The following ZNG1A variants were observed in gnomAD, a reference collection of about 807,000 sequenced individuals.
The protein encoded by ZNG1A is Zn regulated GTPase metalloprotein activator 1A.
chr9:140,396 G>A, the ZNG1A span, among the ~76,000 whole-genome samples: 1 of 151,314 alleles, frequency 6.6e-6, no homozygotes, highest in Non-Finnish European at 1.5e-5. Flanking sequence ...CCCCCTAGCA[G>A]AGGCAGGCTG....
chr9:154,608 A>G, the ZNG1A span: 1 of 854,366 alleles, frequency 1.2e-6, no homozygotes, highest in African/African-American at 1.7e-5. Context: ...AAGCAGCTCA[A>G]CCTTATACCT....
At chr9:125,147 G>C in the ZNG1A span, among the ~76,000 whole-genome samples, 1 of 152,136 alleles carries the variant, frequency 6.6e-6, no homozygotes, top group Non-Finnish European at 1.5e-5. Context: ...TTCCATAGTG[G>C]TTGTACTAGT....
At chr9:167,670 T>C in the ZNG1A span, 3 of 149,962 alleles carry the variant, frequency 2.0e-5, no homozygotes, top group Non-Finnish European at 4.4e-5. Context: ...CATGACAACA[T>C]AAAGAATATG....
chr9:178,391 G>C, the ZNG1A span, among the ~76,000 whole-genome samples: 2 of 151,056 alleles, frequency 1.3e-5, no homozygotes, highest in Non-Finnish European at 1.5e-5. Flanking sequence ...AAAGCCCCAC[G>C]TGTCGGGCAT....
the ZNG1A span, among the ~76,000 whole-genome samples, chr9:126,577 C>T: frequency 6.6e-6 from 1 of 152,184 alleles, no homozygotes; most frequent in South Asian, 2.1e-4. Context: ...TCTTATTGAG[C>T]TTATTTGGAT....
chr9:147,713 CT>C, the ZNG1A span: 1 of 148,502 alleles, frequency 6.7e-6, no homozygotes, highest in Non-Finnish European at 1.5e-5. Flanking sequence ...CCTTTTTCAC[CT>C]CCCCCTCCCC....
At chr9:153,890 C>T in the ZNG1A span, 1 of 152,034 alleles carries the variant, frequency 6.6e-6, no homozygotes, top group Admixed American at 6.6e-5. Context: ...GCATTGTACA[C>T]ATTAAAGATA....
chr9:166,609 A>G, the ZNG1A span: 3 of 152,670 alleles, frequency 2.0e-5, no homozygotes, highest in African/African-American at 7.2e-5. Flanking sequence ...CAACTTCATC[A>G]TAATGAAGAA....
the ZNG1A span, among the ~76,000 whole-genome samples, chr9:158,983 A>C: frequency 4.6e-5 from 7 of 152,144 alleles, no homozygotes; most frequent in Non-Finnish European, 1.0e-4. Context: ...TTCTCCAATA[A>C]TACATTCTAT....
At chr9:161,509 T>G in the ZNG1A span, 65 of 1,120,014 alleles carry the variant, frequency 5.8e-5, no homozygotes, top group Non-Finnish European at 7.4e-5. Context: ...AGATATGAGG[T>G]TGGATACAAA....
At chr9:147,678 C>CA in the ZNG1A span, 2 of 149,220 alleles carry the variant, frequency 1.3e-5, no homozygotes, top group Admixed American at 1.3e-4. Flanking sequence ...ACTAAAAGGC[C>CA]AAAGTCTTAA....
chr9:141,081 T>G, the ZNG1A span, among the ~76,000 whole-genome samples: 1 of 137,666 alleles, frequency 7.3e-6, no homozygotes, highest in Non-Finnish European at 1.5e-5. Context: ...TACCTGAAAG[T>G]GACAGGGAGA....
chr9:145,763 G>A, the ZNG1A span, among the ~76,000 whole-genome samples: 2 of 151,564 alleles, frequency 1.3e-5, no homozygotes, highest in African/African-American at 4.9e-5. Context: ...AAAGTGAAGA[G>A]AGTTATTTGT....
At chr9:173,717 T>C in the ZNG1A span, among the ~76,000 whole-genome samples, 4 of 152,158 alleles carry the variant, frequency 2.6e-5, 1 homozygote, top group African/African-American at 9.7e-5. Context: ...GTATGTTTTA[T>C]ATACTGGATT....
chr9:173,730 G>A, the ZNG1A span, among the ~76,000 whole-genome samples: 294 of 152,112 alleles, frequency 1.9e-3, 1 homozygote, highest in Non-Finnish European at 2.9e-3. Flanking sequence ...ACTGGATTTT[G>A]TATGCCCTTC....
chr9:127,134 T>C, the ZNG1A span, among the ~76,000 whole-genome samples: 6 of 152,148 alleles, frequency 3.9e-5, no homozygotes, highest in Non-Finnish European at 8.8e-5. Flanking sequence ...CATGTGCTGT[T>C]GAACAGAACG....
chr9:171,085 C>T, the ZNG1A span, among the ~76,000 whole-genome samples: 23,023 of 150,784 alleles, frequency 0.15, 1,754 homozygotes, highest in East Asian at 0.36. Context: ...GTCCTATCAT[C>T]AGTCAGATTT....
At chr9:131,829 C>T in the ZNG1A span, among the ~76,000 whole-genome samples, 1 of 149,652 alleles carries the variant, frequency 6.7e-6, no homozygotes, top group Non-Finnish European at 1.5e-5. Context: ...ATCTAGCTTA[C>T]ATAACACTCC....
At chr9:131,872 C>T in the ZNG1A span, among the ~76,000 whole-genome samples, 5 of 147,232 alleles carry the variant, frequency 3.4e-5, no homozygotes, top group Non-Finnish European at 1.5e-5. Flanking sequence ...CTTTGTCTAG[C>T]AAATTAAAAC....
Sources: gnomAD v4.1 joint callset for allele counts (sites outside exome capture counted in the v4.1 genomes callset) on GRCh38, gnomAD v4.1.1 for gene constraint, MANE v1.5 for transcripts, NCBI Gene and HGNC (gene_info 2026-07-23, HGNC 2026-07-21) for gene names.